Variants in LEPR observed in about 807,000 individuals in gnomAD.
The protein encoded by LEPR is leptin receptor.
LEPR carries 56 observed loss-of-function variants against 114.7 expected under a neutral mutation model. The ratio of observed to expected loss-of-function variants is 0.49; its 90% confidence interval spans 0.39 to 0.61. The LOEUF is 0.61. LEPR is among the 20% of genes least tolerant of loss of function. LEPR has a pLI of 0.00. For missense variants in LEPR, 1,202 were observed against 1,352.9 expected, an observed-to-expected ratio of 0.89 and a Z score of 1.75; for synonymous variants, 443 against 461.4, an observed-to-expected ratio of 0.96 and a Z score of 0.51.
At chr1:65,433,513 A>G (rs1646516629) in intron 2 of LEPR, 2 of 985,366 alleles carry the variant, frequency 2.0e-6, no homozygotes, top group South Asian at 4.7e-5. Context: ...TGAAACTGAA[A>G]TACATTCAAA....
At chr1:65,576,927 T>C in intron 5 of LEPR, 1 of 357,018 alleles carries the variant, frequency 2.8e-6, no homozygotes, top group Non-Finnish European at 5.5e-6. Flanking sequence ...CTGTCCAAGT[T>C]CCTGGAAATA....
chr1:65,460,945 G>C (rs1457641204), intron 2 of LEPR, among the ~76,000 whole-genome samples: 3 of 150,962 alleles, frequency 2.0e-5, no homozygotes, highest in Non-Finnish European at 4.4e-5. Context: ...TGGAAGACAG[G>C]AACCTAGATC....
intron 2 of LEPR, among the ~76,000 whole-genome samples, chr1:65,436,371 T>G (rs936022778): frequency 6.6e-6 from 1 of 152,202 alleles, no homozygotes; most frequent in Admixed American, 6.5e-5. Context: ...TAGAAAGTAG[T>G]CTTTAAGGAA....
intron 2 of LEPR, among the ~76,000 whole-genome samples, chr1:65,474,710 G>A (rs2100426392): frequency 6.6e-6 from 1 of 152,144 alleles, no homozygotes; most frequent in East Asian, 1.9e-4. Flanking sequence ...TGGGTAAATT[G>A]AAAGTAGCAA....
At chr1:65,448,114 G>A (rs1404097742) in intron 2 of LEPR, among the ~76,000 whole-genome samples, 1 of 152,104 alleles carries the variant, frequency 6.6e-6, no homozygotes, top group African/African-American at 2.4e-5. Context: ...TGGTGAGAAA[G>A]CCTCATGCTT....
At chr1:65,507,459 G>A (rs370732761) in intron 2 of LEPR, among the ~76,000 whole-genome samples, 23 of 139,544 alleles carry the variant, frequency 1.6e-4, no homozygotes, top group East Asian at 4.0e-4. Flanking sequence ...GTGTGTGTGT[G>A]TATATATATA....
chr1:65,464,218 C>T lies in LEPR; in HGVS notation c.-21+38840C>T, dbSNP rs563921535. Among the ~76,000 whole-genome samples the T allele has an allele frequency of 8.5e-5, 13 of 152,084 alleles. No homozygotes were observed. The South Asian group carries it at 1.7e-3, about 19-fold the overall frequency. On this transcript the variant is annotated intron_variant, in intron 2 of 19. Transcript: ENST00000349533. ...CGTTCCATCAATACCTAGTTTATTGCGAGTTTTTAGCATGAAGGGCGGTTG... is the reference window on the plus strand; with the variant it reads ...CGTTCCATCAATACCTAGTTTATTGTGAGTTTTTAGCATGAAGGGCGGTTG...
chr1:65,452,900 A>G (rs1172290391), intron 2 of LEPR, among the ~76,000 whole-genome samples: 1 of 152,152 alleles, frequency 6.6e-6, no homozygotes, highest in Non-Finnish European at 1.5e-5. Flanking sequence ...CTGTGAATCC[A>G]TCTGGTCCTG....
chr1:65,582,161 A>G (rs774959997), intron 5 of LEPR, among the ~76,000 whole-genome samples: 1 of 152,210 alleles, frequency 6.6e-6, no homozygotes, highest in South Asian at 2.1e-4. Context: ...CTAATGTCAT[A>G]TAATAAATTA....
At chr1:65,472,411 AACACAC>A (rs71721804) in intron 2 of LEPR, among the ~76,000 whole-genome samples, 10,310 of 133,248 alleles carry the variant, frequency 0.077, 463 homozygotes, top group African/African-American at 0.13. Flanking sequence ...CTGTGGCTAA[AACACAC>A]ACACACACAC....
chr1:65,600,383 AAATGTTTT>A (rs1199611892), intron 8 of LEPR, among the ~76,000 whole-genome samples: 23 of 152,252 alleles, frequency 1.5e-4, no homozygotes, highest in South Asian at 4.1e-4. Flanking sequence ...TACAAAACAC[AAATGTTTT>A]GTATGAATTG....
chr1:65,635,456 A>T, intron 19 of LEPR: 3 of 787,800 alleles, frequency 3.8e-6, no homozygotes, highest in Non-Finnish European at 4.6e-6. Flanking sequence ...TCTTCATTTC[A>T]CATGTCCATA....
At chr1:65,468,089 T>C (rs1647037730) in intron 2 of LEPR, among the ~76,000 whole-genome samples, 1 of 152,104 alleles carries the variant, frequency 6.6e-6, no homozygotes, top group African/African-American at 2.4e-5. Context: ...GGTACCTCAG[T>C]TGGAAATGCA....
At chr1:65,611,603 C>G (rs1026878387) in intron 14 of LEPR, among the ~76,000 whole-genome samples, 3 of 152,104 alleles carry the variant, frequency 2.0e-5, no homozygotes, top group Admixed American at 6.5e-5. Context: ...AGCCCTTTGG[C>G]CTAGGCTACA....
intron 12 of LEPR, 39 bp downstream of exon 12, chr1:65,608,940 G>A: frequency 6.2e-7 from 1 of 1,610,980 alleles, no homozygotes; most frequent in African/African-American, 1.3e-5. Context: ...CTCATTAAAT[G>A]CTATTTTTAT....
At chr1:65,445,520 C>T (rs1475827024) in intron 2 of LEPR, among the ~76,000 whole-genome samples, 2 of 152,132 alleles carry the variant, frequency 1.3e-5, no homozygotes, top group Non-Finnish European at 2.9e-5. Context: ...TTTTATCTTC[C>T]TTCTTAAAGT....
At chr1:65,551,870 G>A (rs1302963256) in intron 2 of LEPR, among the ~76,000 whole-genome samples, 4 of 152,186 alleles carry the variant, frequency 2.6e-5, no homozygotes, top group Middle Eastern at 3.4e-3. Flanking sequence ...TCTAAACACC[G>A]CTTTATATAT....
chr1:65,580,939 A>G (rs1310767914), intron 5 of LEPR, among the ~76,000 whole-genome samples: 2 of 152,060 alleles, frequency 1.3e-5, no homozygotes, highest in African/African-American at 4.8e-5. Context: ...GAATGAAGAG[A>G]AATCAGGATG....
At chr1:65,494,631 T>C (rs928027253) in intron 2 of LEPR, among the ~76,000 whole-genome samples, 1 of 152,078 alleles carries the variant, frequency 6.6e-6, no homozygotes, top group Non-Finnish European at 1.5e-5. Flanking sequence ...TACAGAAAAA[T>C]TTAAATTGGA....
Sources: allele counts gnomAD v4.1 joint callset (sites outside exome capture counted in the v4.1 genomes callset), GRCh38; gene constraint gnomAD v4.1.1; transcripts MANE v1.5; gene names NCBI Gene and HGNC (gene_info 2026-07-23, HGNC 2026-07-21).